The following DIXDC1 variants were observed in gnomAD, a reference collection of about 807,000 sequenced individuals.
The protein encoded by DIXDC1 is dixin.
Under a neutral mutation model 103.1 loss-of-function variants are expected in DIXDC1, and 64 were observed. The observed-to-expected ratio is 0.62, with a 90% CI of 0.51 to 0.76. The LOEUF (loss-of-function observed/expected upper bound fraction) is 0.76, where lower values mean the gene tolerates loss of function less well. DIXDC1 is among the 30% of genes least tolerant of loss of function. The probability of loss-of-function intolerance (pLI) is 0.00; values close to 1 mark genes in which losing one functional copy is unlikely to be tolerated. For synonymous variants in DIXDC1, 266 were observed against 298.5 expected, an observed-to-expected ratio of 0.89 and a Z score of 1.12; for missense variants, 759 against 834.2, an observed-to-expected ratio of 0.91 and a Z score of 1.11.
intron 1 of DIXDC1, chr11:111,929,760 T>G: frequency 2.5e-6 from 3 of 1,180,566 alleles, no homozygotes; most frequent in Non-Finnish European, 3.4e-6. Flanking sequence ...TAGTTGAGCT[T>G]TAAATTTTTT....
upstream of DIXDC1, chr11:111,937,128 G>GGGGGT (rs1385828400): frequency 7.3e-5 from 50 of 684,058 alleles, no homozygotes; most frequent in Admixed American, 1.5e-4. Context: ...GCTGCGGCCC[G>GGGGGT]GGCGGGGGGG....
intron 1 of DIXDC1, among the ~76,000 whole-genome samples, chr11:111,961,515 C>A (rs1859577099): frequency 6.6e-6 from 1 of 152,158 alleles, no homozygotes; most frequent in Non-Finnish European, 1.5e-5. Context: ...TAGCATAGCT[C>A]TTGATACAAA....
In DIXDC1 at chr11:111,972,642, C is replaced by T. The variant is rs370114635; in HGVS notation, c.317-1381C>T. ...CCTCTGCTGCCTCACCTTTCCCTGT[C>T]TCCCCCTGCATTCTGGGCTCTGCCT... is the stretch of plus-strand genomic sequence containing the variant. On this transcript the variant is annotated intron_variant, in intron 3 of 19. Transcript: ENST00000440460. Among the ~76,000 whole-genome samples, 6 of 152,354 alleles carry T rather than the reference C, an allele frequency of 3.9e-5. No homozygotes were observed. In the East Asian group the frequency reaches 1.2e-3, roughly 29 times the overall value.
At chr11:111,968,363 TA>T in intron 2 of DIXDC1, 149 bp from the exon 3 acceptor site, 1 of 821,472 alleles carries the variant, frequency 1.2e-6, no homozygotes, top group Non-Finnish European at 1.8e-6. Context: ...ATTTCCCATC[TA>T]AATGACAAAC....
chr11:111,941,514 C>T (rs1966413635), intron 1 of DIXDC1, among the ~76,000 whole-genome samples: 1 of 151,998 alleles, frequency 6.6e-6, no homozygotes, highest in Non-Finnish European at 1.5e-5. Flanking sequence ...GCTTGGCAGT[C>T]CCTTAGAAAT....
In DIXDC1 at chr11:111,977,184, T is replaced by TGGCCCGCACCC; in HGVS notation, c.656+2202_656+2212dup. ...CCTCCACCCCGCCCAGCCCCGCCCC[T>TGGCCCGCACCC]GGCCCGCACCCTCAACCTCCGTCCA... On this transcript the variant is annotated intron_variant, in intron 5 of 19. Transcript: ENST00000440460. The surrounding 1 kb of genome is among the most constrained non-coding windows in gnomAD (Gnocchi z 6.1). The TGGCCCGCACCC allele has an allele frequency of 8.4e-6, 3 of 357,720 alleles. No individual in the cohort carries two copies. Among genetic ancestry groups the TGGCCCGCACCC allele is most frequent in the Non-Finnish European group, 1.1e-5 (3 of 261,262 alleles). The allele number at this position is 357,720 out of a possible 1,614,324, so 22.2% of individuals were successfully genotyped here. A position where few individuals can be genotyped will look rare whatever the true frequency, so the allele number is the denominator to read the frequency against.
intron 1 of DIXDC1, among the ~76,000 whole-genome samples, chr11:111,928,839 G>T (rs1439242587): frequency 1.3e-5 from 2 of 152,082 alleles, no homozygotes; most frequent in African/African-American, 4.8e-5. Flanking sequence ...CAAATAAGAT[G>T]ATGTAGATGA....
intron 1 of DIXDC1, among the ~76,000 whole-genome samples, chr11:111,961,246 T>A (rs1245557744): frequency 6.6e-6 from 1 of 151,940 alleles, no homozygotes; most frequent in African/African-American, 2.4e-5. Context: ...GTGGAGGGAG[T>A]GGTTTGACTC....
intron 5 of DIXDC1, chr11:111,975,301 C>T: frequency 8.6e-7 from 1 of 1,162,640 alleles, no homozygotes; most frequent in Non-Finnish European, 1.1e-6. Flanking sequence ...ATATGAGGTG[C>T]CAGTGTTTAT....
At chr11:112,012,379 A>C (rs1424254889) in intron 17 of DIXDC1, among the ~76,000 whole-genome samples, 3 of 152,252 alleles carry the variant, frequency 2.0e-5, no homozygotes, top group Non-Finnish European at 4.4e-5. Context: ...TACATAGATG[A>C]GTGGAACAGC....
intron 3 of DIXDC1, among the ~76,000 whole-genome samples, chr11:111,971,914 C>T (rs1425987071): frequency 6.6e-6 from 1 of 152,006 alleles, no homozygotes; most frequent in African/African-American, 2.4e-5. Flanking sequence ...GGGAACTAAA[C>T]ACTGGGTGCA....
intron 1 of DIXDC1, among the ~76,000 whole-genome samples, chr11:111,963,185 T>C (rs1859632164): frequency 6.6e-6 from 1 of 152,196 alleles, no homozygotes; most frequent in Non-Finnish European, 1.5e-5. Flanking sequence ...ACAAAAATAA[T>C]GTCATTTAGT....
intron 17 of DIXDC1, among the ~76,000 whole-genome samples, chr11:112,009,700 G>C (rs1370297991): frequency 1.3e-5 from 2 of 152,086 alleles, no homozygotes; most frequent in African/African-American, 4.8e-5. Flanking sequence ...CAGAACCAAA[G>C]AGAAAAACCA....
In DIXDC1 at chr11:112,017,842, A is replaced by G; in HGVS notation, c.1928A>G (p.His643Arg). Residue 643 changes from histidine to arginine, a missense_variant, in exon 19 of 20, where the codon CAC becomes CGC. Physicochemically the swap from His to Arg is conservative, Grantham distance 29 (BLOSUM62 0). This residue lies in a region of DIXDC1 where 657 missense variants were observed against 727.5 expected (regional missense o/e 0.90). Coordinates refer to ENST00000440460, the MANE Select transcript of DIXDC1 (RefSeq NM_001037954.4). The surrounding 1 kb of genome is among the most constrained non-coding windows in gnomAD (Gnocchi z 4.0). ...AIDREGNHRY[H>R]FKALDPEFGT... ...GATCGGGAAGGAAATCACCGGTATC[A>G]CTTCAAAGCACTGGATCCTGAGTTT... is the stretch of plus-strand genomic sequence containing the variant. 1 of 1,611,568 alleles carries G rather than the reference A, an allele frequency of 6.2e-7. No homozygotes were observed. Among genetic ancestry groups the G allele is most frequent in the Non-Finnish European group, 8.5e-7 (1 of 1,178,662 alleles).
At chr11:111,960,070 C>A (rs781830408) in intron 1 of DIXDC1, among the ~76,000 whole-genome samples, 1 of 151,754 alleles carries the variant, frequency 6.6e-6, no homozygotes, top group Non-Finnish European at 1.5e-5. Flanking sequence ...CCACCACACC[C>A]GGCTAATTTT....
At chr11:111,980,047 A>G (rs75067014) in intron 5 of DIXDC1, among the ~76,000 whole-genome samples, 1,647 of 152,336 alleles carry the variant, frequency 0.011, 35 homozygotes, top group African/African-American at 0.038. Context: ...TAACTTTTTG[A>G]TAGGAATAAA....
rs782613317 is a variant in DIXDC1 at position 111,974,203 on chromosome 11, T to A, written c.497T>A (p.Val166Glu). 1.2e-6 allele frequency: 2 copies of A among 1,613,856 alleles called. No homozygotes were observed. Among genetic ancestry groups the A allele is most frequent in the Non-Finnish European group, 1.7e-6 (2 of 1,179,876 alleles). ...GGAGCAGCTGCTGCTCTGGCCGATGTGTGTCATGACATGTCCCGATCAGGA... is the reference window on the plus strand; with the variant it reads ...GGAGCAGCTGCTGCTCTGGCCGATGAGTGTCATGACATGTCCCGATCAGGA... Reference protein sequence around the residue: ...AQGAAAALADVCHDMSRSGRD... With the variant: ...AQGAAAALADECHDMSRSGRD... Residue 166 changes from valine to glutamate, a missense_variant, in exon 4 of 20, where the codon GTG becomes GAG. This residue lies in a region of DIXDC1 where 657 missense variants were observed against 727.5 expected (regional missense o/e 0.90). Transcript: ENST00000440460.
At chr11:112,000,427 G>A (rs782160005) in intron 17 of DIXDC1, among the ~76,000 whole-genome samples, 5 of 152,144 alleles carry the variant, frequency 3.3e-5, no homozygotes, top group South Asian at 2.1e-4. Context: ...AGCCAGGTGC[G>A]GTGGCTCACA....
At chr11:111,968,757 AT>A (rs1566502059) in intron 3 of DIXDC1, 119 bp downstream of exon 3, 1 of 1,130,926 alleles carries the variant, frequency 8.8e-7, no homozygotes. Context: ...ATTTTATTTT[AT>A]TTTTTATTTT....
Sources: gnomAD v4.1 joint callset for allele counts (sites outside exome capture counted in the v4.1 genomes callset) on GRCh38, gnomAD v4.1.1 for gene constraint, gnomAD v4.1.1 regional missense constraint, Gnocchi (gnomAD v3.1) non-coding constraint, MANE v1.5 for transcripts, NCBI Gene and HGNC (gene_info 2026-07-23, HGNC 2026-07-21) for gene names.